Variants in TOX3 observed in about 807,000 individuals in gnomAD.
The protein encoded by TOX3 is TOX high mobility group box family member 3.
TOX3 carries 22 observed loss-of-function variants against 64.3 expected under a neutral mutation model. That is an observed-to-expected ratio of 0.34 (90% confidence interval 0.24 to 0.49). The LOEUF (loss-of-function observed/expected upper bound fraction) is 0.49, where lower values mean the gene tolerates loss of function less well. Among genes scored for constraint, TOX3 ranks in the 20% least tolerant of loss-of-function variants. The pLI is 0.99. For missense variants in TOX3, 661 were observed against 714.4 expected (o/e 0.93, Z 0.85); for synonymous variants, 291 against 273.6 (o/e 1.06, Z -0.63).
rs375565247 is a variant in TOX3 at position 52,439,651 on chromosome 16, C to G, written c.1305G>C (p.Ser435=). The G allele has an allele frequency of 6.2e-7, 1 of 1,613,900 alleles. No homozygotes were observed. Among genetic ancestry groups the G allele is most frequent in the African/African-American group, 1.3e-5 (1 of 74,994 alleles). The change falls in exon 7 of 7, where the codon TCG becomes TCC. Residue 435 remains serine (S), a synonymous_variant. Transcript: ENST00000219746. ...GSAPSTQVSP[S]VQTQQHQMQL... ...GCATCTGATGCTGCTGGGTTTGCAC[C>G]GAAGGACTCACTTGGGTGGAGGGTG...
Position 52,546,748 on chromosome 16 carries a change from G to C in TOX3, c.-25C>G. 1 of 1,498,774 alleles carries C rather than the reference G, an allele frequency of 6.7e-7. No homozygotes were observed. The highest frequency in any genetic ancestry group is 8.9e-7 in the Non-Finnish European group (1 of 1,128,630). The allele number at this position is 1,498,774 out of a possible 1,614,324, so 92.8% of individuals were successfully genotyped here. ...TGCCGAAGCTGGGCCCGGGGCCGGG[G>C]GCCGGGACTGGGGTTCGCCGGGGCC... On this transcript the variant is annotated 5_prime_UTR_variant, in exon 1 of 7. Coordinates refer to ENST00000219746, the MANE Select transcript of TOX3 (RefSeq NM_001080430.4).
In TOX3 at chr16:52,439,470, G is replaced by T; in HGVS notation, c.1486C>A (p.His496Asn). 1 of 1,345,636 alleles carries T rather than the reference G, an allele frequency of 7.4e-7. No homozygotes were observed. Among genetic ancestry groups the T allele is most frequent in the Non-Finnish European group, 1.0e-6 (1 of 961,058 alleles). 83.4% of individuals were successfully genotyped at this position (1,345,636 alleles called of 1,614,324 possible). A position where few individuals can be genotyped will look rare whatever the true frequency, so the allele number is the denominator to read the frequency against. ...MQQHLQQQQQ[H>N]LQQQINQQQL... ...TGTTGATTAATTTGCTGCTGGAGAT[G>T]CTGCTGCTGCTGCTGCAGGTGCTGC... Residue 496 changes from histidine to asparagine, a missense_variant, in exon 7 of 7, where the codon CAT becomes AAT. Around this residue, in one of 3 missense-constraint regions of TOX3, gnomAD observed 299 missense variants for 292.1 expected, o/e 1.02. Coordinates refer to ENST00000219746, the MANE Select transcript of TOX3 (RefSeq NM_001080430.4).
chr16:52,470,322 G>C (rs1045947451), intron 1 of TOX3, among the ~76,000 whole-genome samples: 2 of 152,176 alleles, frequency 1.3e-5, no homozygotes, highest in African/African-American at 2.4e-5. Flanking sequence ...CCGTGCACCA[G>C]TCCTGGCCCC....
At position 52,488,764 on chromosome 16, in the gene TOX3, T is replaced by C. The variant is rs576030937; in HGVS notation, c.88-20190A>G. Among the ~76,000 whole-genome samples, 4 of 152,280 alleles carry C rather than the reference T, an allele frequency of 2.6e-5. No individual in the cohort carries two copies. The South Asian group carries it at 6.2e-4, about 24-fold the overall frequency. ...CTGAGCTCTCATTATGGAATAGATA[T>C]ACACACAGAGAGAGACATACAGATA... On this transcript the variant is annotated intron_variant, in intron 1 of 6. Coordinates refer to ENST00000219746, the MANE Select transcript of TOX3 (RefSeq NM_001080430.4).
intron 1 of TOX3, among the ~76,000 whole-genome samples, chr16:52,517,474 TTGG>T (rs1962488857): frequency 1.3e-5 from 2 of 152,134 alleles, no homozygotes; most frequent in East Asian, 3.9e-4. Flanking sequence ...GGCTCTCTTC[TTGG>T]TGGTGCCCCA....
chr16:52,514,975 G>A (rs1425985392), intron 1 of TOX3, among the ~76,000 whole-genome samples: 1 of 117,390 alleles, frequency 8.5e-6, no homozygotes, highest in Non-Finnish European at 1.6e-5. Flanking sequence ...GACAGCCACT[G>A]CACTCCATCC....
At chr16:52,537,619 C>T (rs779311983) in intron 1 of TOX3, among the ~76,000 whole-genome samples, 71 of 152,080 alleles carry the variant, frequency 4.7e-4, no homozygotes, top group Non-Finnish European at 7.9e-4. Flanking sequence ...TGTTTTTCCT[C>T]CAAAGAACCA....
intron 4 of TOX3, among the ~76,000 whole-genome samples, chr16:52,447,216 C>G (rs548419817): frequency 5.9e-5 from 9 of 152,116 alleles, no homozygotes; most frequent in Non-Finnish European, 1.2e-4. Flanking sequence ...ATTACAATAT[C>G]GAAGATAATT....
intron 3 of TOX3, among the ~76,000 whole-genome samples, chr16:52,455,771 T>C (rs755675679): frequency 6.6e-6 from 1 of 151,946 alleles, no homozygotes; most frequent in Non-Finnish European, 1.5e-5. Context: ...AGGTCTGAAG[T>C]GGGAGAGATC....
At chr16:52,515,820 T>C (rs961578392) in intron 1 of TOX3, among the ~76,000 whole-genome samples, 9 of 152,262 alleles carry the variant, frequency 5.9e-5, no homozygotes, top group African/African-American at 2.2e-4. Context: ...GCTTTCTATT[T>C]TCTCCACTAT....
chr16:52,518,830 T>C (rs1432788269), intron 1 of TOX3, among the ~76,000 whole-genome samples: 1 of 152,252 alleles, frequency 6.6e-6, no homozygotes, highest in Non-Finnish European at 1.5e-5. Context: ...ATCAATGAAC[T>C]GCTTTCCCAT....
chr16:52,450,226 G>A, intron 4 of TOX3, 51 bp downstream of exon 4: 4 of 1,603,596 alleles, frequency 2.5e-6, no homozygotes, highest in Non-Finnish European at 3.4e-6. Flanking sequence ...AACAGCATGG[G>A]GTAATCCCAT....
In TOX3 at chr16:52,441,913, T is replaced by C. The variant is rs76405992; in HGVS notation, c.988-1945A>G. ...AGGTCTTAGGGTAAGAAGCAGCCTA[T>C]AAATATTCAAATTTGTCTTCAAAAA... On this transcript the variant is annotated intron_variant, in intron 6 of 6. Transcript: ENST00000219746. 4.9e-4 allele frequency among the ~76,000 whole-genome samples: 75 copies of C among 152,358 alleles called. 2 individuals carry two copies. The East Asian group carries it at 0.013, about 26-fold the overall frequency.
At chr16:52,529,153 ATTAAT>A (rs1249480609) in intron 1 of TOX3, among the ~76,000 whole-genome samples, 1 of 152,252 alleles carries the variant, frequency 6.6e-6, no homozygotes. Flanking sequence ...GAGTGCAAAC[ATTAAT>A]TTAAAGTCTC....
intron 4 of TOX3, among the ~76,000 whole-genome samples, 192 bp from the exon 5 acceptor site, chr16:52,446,413 G>T (rs1428019180): frequency 6.6e-6 from 1 of 152,226 alleles, no homozygotes; most frequent in East Asian, 1.9e-4. Context: ...TTAGAACATC[G>T]ATTAATGAGA....
intron 1 of TOX3, among the ~76,000 whole-genome samples, chr16:52,543,204 A>C (rs899320698): frequency 6.6e-6 from 1 of 152,224 alleles, no homozygotes; most frequent in Non-Finnish European, 1.5e-5. Flanking sequence ...TGACAACTAC[A>C]GGTTGAGTAT....
At chr16:52,444,495 G>A (rs1055942646) in intron 5 of TOX3, 139 bp from the exon 6 acceptor site, 24 of 427,930 alleles carry the variant, frequency 5.6e-5, no homozygotes, top group South Asian at 1.5e-4. Flanking sequence ...AAATGTTAGC[G>A]CATGCACACA....
chr16:52,517,503 T>C (rs1962490108), intron 1 of TOX3, among the ~76,000 whole-genome samples: 1 of 151,926 alleles, frequency 6.6e-6, no homozygotes, highest in Non-Finnish European at 1.5e-5. Flanking sequence ...CCCTCAAGGG[T>C]GTCTATAAGT....
chr16:52,447,139 C>A (rs1960186232), intron 4 of TOX3, among the ~76,000 whole-genome samples: 1 of 152,154 alleles, frequency 6.6e-6, no homozygotes, highest in African/African-American at 2.4e-5. Context: ...TCTAAGTTCA[C>A]TGATCATTTA....
Sources: allele counts gnomAD v4.1 joint callset (sites outside exome capture counted in the v4.1 genomes callset), GRCh38; gene constraint gnomAD v4.1.1; regional missense constraint gnomAD v4.1.1; transcripts MANE v1.5; gene names NCBI Gene and HGNC (gene_info 2026-07-23, HGNC 2026-07-21).